EHD1: variants seen among roughly 807,000 people sequenced by gnomAD.
The protein encoded by EHD1 is EH domain containing 1, also known as EH domain-containing protein 1.
EHD1 carries 19 observed loss-of-function variants against 39.0 expected under a neutral mutation model. The ratio of observed to expected loss-of-function variants is 0.49; its 90% confidence interval spans 0.34 to 0.72. The LOEUF (loss-of-function observed/expected upper bound fraction) is 0.72. EHD1 is among the 30% of genes least tolerant of loss of function. The pLI is 0.01. For missense variants in EHD1, 542 were observed against 751.5 expected (o/e 0.72, Z 3.26); for synonymous variants, 323 against 331.2 (o/e 0.98, Z 0.27).
Position 64,858,888 on chromosome 11 carries a change from C to CG in EHD1, c.915+1035_915+1036insC, listed in dbSNP as rs1943682764. 3.3e-5 allele frequency among the ~76,000 whole-genome samples: 5 copies of CG among 152,312 alleles called. No homozygotes were observed. In the East Asian group the frequency reaches 7.7e-4, roughly 23 times the overall value. ...CCACCAGGCCTGGGCTGCCAGGAGA[C>CG]CTAAGGATGGTCTGCAAGGCCTGCT... On this transcript the variant is annotated intron_variant, in intron 3 of 4. Coordinates refer to ENST00000320631, the MANE Select transcript of EHD1 (RefSeq NM_006795.4).
intron 2 of EHD1, among the ~76,000 whole-genome samples, chr11:64,869,525 A>G (rs1943805598): frequency 1.3e-5 from 2 of 152,246 alleles, no homozygotes; most frequent in African/African-American, 4.8e-5. Context: ...TGACACTTGA[A>G]CACTTAACTG....
At position 64,854,898 on chromosome 11, in the gene EHD1, C is replaced by T. The variant is rs780068429; in HGVS notation, c.1081-41G>A. 8 of 1,579,792 alleles carry T rather than the reference C, an allele frequency of 5.1e-6. No individual in the cohort carries two copies. In the Admixed American group the frequency reaches 1.4e-4, roughly 27 times the overall value. The stretch of plus-strand genomic sequence containing the variant: ...GAAGGACAAGGGCTGGGAAGGGAGG[C>T]CCCTCCCAGACTCCAGGCCAAGTGG... On this transcript the variant is annotated intron_variant, in intron 4 of 4. Coordinates refer to ENST00000320631, the MANE Select transcript of EHD1 (RefSeq NM_006795.4).
intron 2 of EHD1, among the ~76,000 whole-genome samples, chr11:64,863,109 G>C (rs561442274): frequency 2.0e-5 from 3 of 152,108 alleles, no homozygotes; most frequent in African/African-American, 7.2e-5. Flanking sequence ...CCCAAATGTA[G>C]GCCGGCCCTC....
chr11:64,855,293 G>A, intron 4 of EHD1, 29 bp downstream of exon 4: 2 of 1,609,144 alleles, frequency 1.2e-6, no homozygotes, highest in Non-Finnish European at 1.7e-6. Flanking sequence ...ATGGCCACCA[G>A]CCTGCATGGG....
In EHD1 at chr11:64,878,360, G is replaced by A; in HGVS notation, c.105C>T (p.Pro35=). 1 of 1,614,010 alleles carries A rather than the reference G, an allele frequency of 6.2e-7. No homozygotes were observed. The highest frequency in any genetic ancestry group is 8.5e-7 in the Non-Finnish European group (1 of 1,180,036). Residue 35 remains proline (P), a synonymous_variant, in exon 1 of 5, where the codon CCC becomes CCT. Transcript: ENST00000320631. ...CGTGGAAGCGGTAGTGCTCCTCCAG[G>A]GGTAGCAGCTTCTGCGCGTACAGCT... The part of the protein sequence containing the change: ...LRQLYAQKLL[P]LEEHYRFHEF...
At chr11:64,866,268 T>C (rs1305230729) in intron 2 of EHD1, among the ~76,000 whole-genome samples, 1 of 152,100 alleles carries the variant, frequency 6.6e-6, no homozygotes, top group Non-Finnish European at 1.5e-5. Context: ...GAAAACCAAA[T>C]ACCGCATGTT....
chr11:64,868,924 A>G lies in EHD1; in HGVS notation c.502+5497T>C, dbSNP rs1213756305. ...ACCCAGCAGGTCTCTGACCTCTCAG[A>G]GCCTCGGTTCCCAGCTTCTCAGTCT... is the stretch of plus-strand genomic sequence containing the variant. On this transcript the variant is annotated intron_variant, in intron 2 of 4. Transcript: ENST00000320631. This position sits in a 1 kb window ranked among gnomAD's most constrained non-coding sequence, Gnocchi z 4.2. Among the ~76,000 whole-genome samples the G allele has an allele frequency of 6.6e-6, 1 of 152,186 alleles. No individual in the cohort carries two copies. Among genetic ancestry groups the G allele is most frequent in the Non-Finnish European group, 1.5e-5 (1 of 68,028 alleles).
intron 2 of EHD1, among the ~76,000 whole-genome samples, chr11:64,873,208 G>A (rs1943848657): frequency 6.6e-6 from 1 of 152,234 alleles, no homozygotes; most frequent in Non-Finnish European, 1.5e-5. Flanking sequence ...CAATTGGAAT[G>A]GGCACGGTGC....
At chr11:64,862,196 C>T (rs1225657013) in intron 2 of EHD1, among the ~76,000 whole-genome samples, 1 of 152,214 alleles carries the variant, frequency 6.6e-6, no homozygotes. Flanking sequence ...CCTGAGCCAC[C>T]GCGCCTGGAT....
intron 3 of EHD1, among the ~76,000 whole-genome samples, chr11:64,858,832 C>T (rs1168919163): frequency 5.3e-5 from 8 of 152,232 alleles, no homozygotes; most frequent in Admixed American, 4.6e-4. Flanking sequence ...GATTCCAAAC[C>T]CTTTGGCCAT....
chr11:64,877,910 C>A, intron 1 of EHD1, 151 bp downstream of exon 1: 3 of 771,906 alleles, frequency 3.9e-6, no homozygotes, highest in Non-Finnish European at 5.7e-6. Flanking sequence ...TGGGAAGGGG[C>A]AGGGCCCTTG....
chr11:64,865,338 A>G (rs2136487975), intron 2 of EHD1, among the ~76,000 whole-genome samples: 1 of 152,390 alleles, frequency 6.6e-6, no homozygotes, highest in East Asian at 1.9e-4. Context: ...GCACAGCGGT[A>G]ACACTGAGCC....
At chr11:64,855,194 T>G in intron 4 of EHD1, 128 bp downstream of exon 4, 1 of 1,373,244 alleles carries the variant, frequency 7.3e-7, no homozygotes. Flanking sequence ...TGCTGGTGAT[T>G]AACCCAGCTG....
intron 2 of EHD1, among the ~76,000 whole-genome samples, chr11:64,860,718 GAAA>G (rs138106545): frequency 1.0e-4 from 11 of 110,278 alleles, no homozygotes; most frequent in Non-Finnish European, 1.5e-4. Context: ...AAACTGTCGC[GAAA>G]AAAAAAAAAA....
chr11:64,876,540 G>A (rs912882868), intron 1 of EHD1, among the ~76,000 whole-genome samples: 1 of 152,186 alleles, frequency 6.6e-6, no homozygotes, highest in Admixed American at 6.5e-5. Context: ...GCTCTTTTTC[G>A]GGTAGAAGCA....
chr11:64,859,118 A>AGTTATT (rs1408228318), intron 3 of EHD1, among the ~76,000 whole-genome samples: 2 of 152,258 alleles, frequency 1.3e-5, no homozygotes, highest in East Asian at 3.8e-4. Flanking sequence ...GACGACACAA[A>AGTTATT]TAACTGATGT....
intron 1 of EHD1, among the ~76,000 whole-genome samples, chr11:64,875,321 C>G (rs1943873597): frequency 6.6e-6 from 1 of 152,230 alleles, no homozygotes; most frequent in African/African-American, 2.4e-5. Context: ...GAGGCCAAGG[C>G]AGGCAGATCA....
chr11:64,855,040 T>C, intron 4 of EHD1, 183 bp from the exon 5 acceptor site: 2 of 881,894 alleles, frequency 2.3e-6, no homozygotes, highest in Non-Finnish European at 3.4e-6. Context: ...CCTCCAGCTC[T>C]TTCCTTGCAG....
chr11:64,854,319 G>T lies in EHD1; in HGVS notation c.*14C>A. ...GGCCGGGCGTGCAAATGGCAGGTGC[G>T]GGGCCGGGCGCCATCACTCATGTCT... is the stretch of plus-strand genomic sequence containing the variant. On this transcript the variant is annotated 3_prime_UTR_variant, in exon 5 of 5. Coordinates refer to ENST00000320631, the MANE Select transcript of EHD1 (RefSeq NM_006795.4). 2 of 1,590,968 alleles carry T rather than the reference G, an allele frequency of 1.3e-6. No homozygotes were observed. Among genetic ancestry groups the T allele is most frequent in the Non-Finnish European group, 1.7e-6 (2 of 1,170,436 alleles).
Sources: gnomAD v4.1 joint callset for allele counts (sites outside exome capture counted in the v4.1 genomes callset) on GRCh38, gnomAD v4.1.1 for gene constraint, Gnocchi (gnomAD v3.1) non-coding constraint, MANE v1.5 for transcripts, NCBI Gene and HGNC (gene_info 2026-07-23, HGNC 2026-07-21) for gene names.